Variants in CASK observed in about 807,000 individuals in gnomAD.
CASK encodes the protein calcium/calmodulin dependent serine protein kinase.
In CASK, 4 loss-of-function variants were observed where a neutral mutation model predicts 82.9. That is an observed-to-expected ratio of 0.05 (90% CI 0.02 to 0.11). The LOEUF (loss-of-function observed/expected upper bound fraction) is 0.11. Ranked by LOEUF, CASK falls within the 10% of genes least tolerant of loss-of-function variation. The probability of loss-of-function intolerance (pLI) is 1.00; values close to 1 mark genes in which losing one functional copy is unlikely to be tolerated. For synonymous variants in CASK, 259 were observed against 253.5 expected (o/e 1.02, Z -0.20); for missense variants, 358 against 720.9 (o/e 0.50, Z 5.76).
intron 3 of CASK, among the ~76,000 whole-genome samples, chrX:41,785,256 C>T (rs1432694221): frequency 9.0e-6 from 1 of 111,684 alleles, no homozygotes; most frequent in Non-Finnish European, 1.9e-5. Flanking sequence ...ATCCGCCTGC[C>T]TTGGCCTCCC....
At chrX:41,672,122 G>A (rs2067204255) in intron 5 of CASK, among the ~76,000 whole-genome samples, 1 of 110,862 alleles carries the variant, frequency 9.0e-6, no homozygotes, top group African/African-American at 3.3e-5. Flanking sequence ...CTCTTCCTGG[G>A]CATGTCTTCT....
chrX:41,876,670 T>C (rs1223414174), intron 1 of CASK, among the ~76,000 whole-genome samples: 1 of 111,911 alleles, frequency 8.9e-6, no homozygotes, highest in Non-Finnish European at 1.9e-5. Flanking sequence ...AGCATCTCTC[T>C]TTATAATCAA....
intron 9 of CASK, among the ~76,000 whole-genome samples, chrX:41,628,315 T>A (rs918768185): frequency 8.9e-6 from 1 of 112,115 alleles, no homozygotes; most frequent in Non-Finnish European, 1.9e-5. Context: ...ATTATTATTA[T>A]TTTTTTGAGA....
At chrX:41,597,419 A>C (rs1464486795) in intron 12 of CASK, among the ~76,000 whole-genome samples, 1 of 112,758 alleles carries the variant, frequency 8.9e-6, no homozygotes, top group Non-Finnish European at 1.9e-5. Flanking sequence ...GAAAGTTTGC[A>C]AGAATCAAAT....
intron 1 of CASK, among the ~76,000 whole-genome samples, chrX:41,887,117 G>T (rs1169449137): frequency 1.8e-5 from 2 of 110,553 alleles, no homozygotes; most frequent in Admixed American, 9.7e-5. Context: ...AAATGGTCAA[G>T]AATTAACAGC....
chrX:41,607,850 T>C (rs2065983251), intron 12 of CASK, among the ~76,000 whole-genome samples: 1 of 112,037 alleles, frequency 8.9e-6, no homozygotes, highest in African/African-American at 3.2e-5. Context: ...CCTGGGTCTC[T>C]GAATGACGGT....
At chrX:41,647,871 T>G (rs548819624) in intron 8 of CASK, among the ~76,000 whole-genome samples, 2 of 112,095 alleles carry the variant, frequency 1.8e-5, no homozygotes, top group Admixed American at 1.9e-4. Context: ...CCTGTCAGCC[T>G]AAGGCTATGT....
At chrX:41,883,150 G>A (rs2071982731) in intron 1 of CASK, among the ~76,000 whole-genome samples, 1 of 111,828 alleles carries the variant, frequency 8.9e-6, no homozygotes, top group East Asian at 2.8e-4. Context: ...GGAAATGTAG[G>A]ACATTTTCGG....
intron 11 of CASK, among the ~76,000 whole-genome samples, chrX:41,612,958 G>A (rs2066118625): frequency 9.6e-6 from 1 of 104,240 alleles, no homozygotes; most frequent in African/African-American, 3.5e-5. Context: ...CCCCTACTGG[G>A]AAGTGAGGAG....
chrX:41,807,384 T>A (rs1289128307), intron 2 of CASK, among the ~76,000 whole-genome samples: 1 of 111,668 alleles, frequency 9.0e-6, no homozygotes, highest in Non-Finnish European at 1.9e-5. Flanking sequence ...TTAAAAGATG[T>A]CTGACTTGAC....
chrX:41,828,767 G>GT (rs1389968357), intron 2 of CASK, among the ~76,000 whole-genome samples: 2 of 112,008 alleles, frequency 1.8e-5, no homozygotes, highest in Non-Finnish European at 3.8e-5. Context: ...TGGCACTTAC[G>GT]TTGTAACTTT....
At chrX:41,682,557 A>AAG (rs2067376023) in intron 5 of CASK, among the ~76,000 whole-genome samples, 1 of 101,184 alleles carries the variant, frequency 9.9e-6, no homozygotes, top group Non-Finnish European at 2.0e-5. Flanking sequence ...AAAAAAAAAA[A>AAG]TGAAGGATCT....
At chrX:41,872,778 G>A (rs1401748509) in intron 1 of CASK, among the ~76,000 whole-genome samples, 1 of 110,326 alleles carries the variant, frequency 9.1e-6, no homozygotes, top group African/African-American at 3.3e-5. Flanking sequence ...ATCCCATCCA[G>A]CATACCAGAT....
chrX:41,879,104 T>C (rs748388590), intron 1 of CASK, among the ~76,000 whole-genome samples: 1 of 111,567 alleles, frequency 9.0e-6, no homozygotes, highest in African/African-American at 3.3e-5. Context: ...TGATGGAGAA[T>C]TGGAAAGCAA....
intron 15 of CASK, chrX:41,571,092 T>C (rs1337831439): frequency 8.9e-6 from 1 of 112,320 alleles, no homozygotes; most frequent in Non-Finnish European, 1.9e-5. Flanking sequence ...AATTTTTACA[T>C]CTACATTCAT....
intron 5 of CASK, among the ~76,000 whole-genome samples, chrX:41,680,488 A>C (rs2067334759): frequency 9.1e-6 from 1 of 109,920 alleles, no homozygotes; most frequent in Admixed American, 9.8e-5. Flanking sequence ...CTCAAAAATA[A>C]TAATAATAAA....
In CASK at chrX:41,530,729, G is replaced by A. The variant is rs4129192; in HGVS notation, c.2520+278C>T. 1.2e-4 allele frequency among the ~76,000 whole-genome samples: 13 copies of A among 112,250 alleles called. No homozygotes were observed. The South Asian group carries it at 3.3e-3, about 29-fold the overall frequency. On this transcript the variant is annotated intron_variant, in intron 25 of 26. Coordinates refer to ENST00000378163, the MANE Select transcript of CASK (RefSeq NM_001367721.1). The stretch of plus-strand genomic sequence containing the variant: ...GATGATCGTAGGATTTCTGGCAGGC[G>A]TAGACACAATCAGGAACCTTACTGA...
chrX:41,733,855 A>C (rs2068451006), intron 5 of CASK, among the ~76,000 whole-genome samples: 1 of 112,213 alleles, frequency 8.9e-6, no homozygotes, highest in African/African-American at 3.2e-5. Context: ...GAGTTGTGGT[A>C]TCAGGTGTAA....
At chrX:41,685,471 G>A (rs1277675128) in intron 5 of CASK, among the ~76,000 whole-genome samples, 2 of 111,703 alleles carry the variant, frequency 1.8e-5, no homozygotes, top group Non-Finnish European at 3.8e-5. Context: ...TTTTTGTGGA[G>A]GTTTTTAAAT....
Sources: gnomAD v4.1 joint callset for allele counts (sites outside exome capture counted in the v4.1 genomes callset) on GRCh38, gnomAD v4.1.1 for gene constraint, MANE v1.5 for transcripts, NCBI Gene and HGNC (gene_info 2026-07-23, HGNC 2026-07-21) for gene names.